CLEC16A: variants seen among roughly 807,000 people sequenced by gnomAD.
CLEC16A encodes C-type lectin domain containing 16A, also known as protein CLEC16A.
CLEC16A carries 51 observed loss-of-function variants against 109.5 expected under a neutral mutation model. The ratio of observed to expected loss-of-function variants is 0.47; its 90% CI spans 0.37 to 0.59. The LOEUF is 0.59. Among genes scored for constraint, CLEC16A ranks in the 20% least tolerant of loss-of-function variants. The pLI is 0.00. For synonymous variants in CLEC16A, 673 were observed against 564.2 expected (o/e 1.19, Z -2.73); for missense variants, 1,339 against 1,394.0 (o/e 0.96, Z 0.63).
intron 19 of CLEC16A, among the ~76,000 whole-genome samples, chr16:11,098,218 C>T (rs150603971): frequency 6.6e-6 from 1 of 152,298 alleles, no homozygotes; most frequent in African/African-American, 2.4e-5. Flanking sequence ...TTCTCAGTGC[C>T]CACCCCTCAA....
chr16:11,150,627 T>C (rs1003038097), intron 22 of CLEC16A, among the ~76,000 whole-genome samples: 2 of 152,232 alleles, frequency 1.3e-5, no homozygotes, highest in Admixed American at 6.5e-5. Context: ...AAATGCCTCT[T>C]CTAAACTTCA....
Position 11,003,323 on chromosome 16 carries a change from C to A in CLEC16A, c.1303+18C>A, listed in dbSNP as rs201986430. The A allele has an allele frequency of 1.9e-6, 3 of 1,600,748 alleles. No homozygotes were observed. The highest frequency in any genetic ancestry group is 2.6e-6 in the Non-Finnish European group (3 of 1,170,872). The stretch of plus-strand genomic sequence containing the variant: ...GAGTGAAGGTGAGTGTCCCCATGAA[C>A]GCCGCCCTGTGCCTGCGCCGCCAGC... On this transcript the variant is annotated intron_variant, in intron 11 of 23. Transcript: ENST00000409790.
intron 11 of CLEC16A, among the ~76,000 whole-genome samples, chr16:11,015,038 G>A (rs1388401063): frequency 6.6e-6 from 1 of 152,210 alleles, no homozygotes; most frequent in African/African-American, 2.4e-5. Context: ...ATAGCACTTT[G>A]CATAGAGCTT....
At chr16:11,106,260 T>G in intron 19 of CLEC16A, among the ~76,000 whole-genome samples, 1 of 152,180 alleles carries the variant, frequency 6.6e-6, no homozygotes, top group Admixed American at 6.5e-5. Flanking sequence ...CATACTTGTC[T>G]ACTTGTCTTA....
At chr16:11,096,129 G>A (rs2050598840) in intron 19 of CLEC16A, among the ~76,000 whole-genome samples, 1 of 151,950 alleles carries the variant, frequency 6.6e-6, no homozygotes, top group South Asian at 2.1e-4. Flanking sequence ...GATCACTTGA[G>A]CCCAGGAGTT....
intron 7 of CLEC16A, among the ~76,000 whole-genome samples, chr16:10,975,832 T>C (rs1388444574): frequency 6.6e-6 from 1 of 152,020 alleles, no homozygotes; most frequent in East Asian, 1.9e-4. Context: ...TTAATATTTT[T>C]AGTAGAGACG....
At chr16:11,040,514 C>CTTTCTTTTTTTTTTTTTTTTTTT (rs1268318578) in intron 14 of CLEC16A, 3 of 101,536 alleles carry the variant, frequency 3.0e-5, no homozygotes, top group Non-Finnish European at 3.7e-5. Flanking sequence ...TTTTTCTTTT[C>CTTTCTTTTTTTTTTTTTTTTTTT]TTTTTTTTTT....
intron 11 of CLEC16A, among the ~76,000 whole-genome samples, chr16:11,016,413 A>G (rs1044190747): frequency 7.3e-5 from 11 of 150,804 alleles, no homozygotes; most frequent in African/African-American, 2.2e-4. Flanking sequence ...CAGTGGCCCA[A>G]TCTTGGCTCA....
intron 11 of CLEC16A, among the ~76,000 whole-genome samples, chr16:11,008,522 C>G (rs1220028361): frequency 2.6e-5 from 4 of 152,124 alleles, no homozygotes; most frequent in Non-Finnish European, 5.9e-5. Context: ...GCTGAGGGCC[C>G]TCAGGACTCT....
At chr16:11,159,012 C>G (rs1567405144) in intron 22 of CLEC16A, among the ~76,000 whole-genome samples, 1 of 151,834 alleles carries the variant, frequency 6.6e-6, no homozygotes, top group Non-Finnish European at 1.5e-5. Flanking sequence ...CTTGGGGTTT[C>G]CCACTTCTTA....
intron 16 of CLEC16A, among the ~76,000 whole-genome samples, chr16:11,045,521 A>T (rs556097239): frequency 3.3e-5 from 5 of 152,076 alleles, no homozygotes; most frequent in Non-Finnish European, 7.4e-5. Flanking sequence ...CTTGGGAATT[A>T]GGATTTCAAC....
chr16:11,008,073 C>G (rs936235470), intron 11 of CLEC16A, among the ~76,000 whole-genome samples: 2 of 152,208 alleles, frequency 1.3e-5, no homozygotes, highest in Admixed American at 6.5e-5. Context: ...ACTTAGCGCA[C>G]ACACTCTCGG....
At chr16:11,090,127 G>A (rs998912213) in intron 19 of CLEC16A, among the ~76,000 whole-genome samples, 2 of 152,048 alleles carry the variant, frequency 1.3e-5, no homozygotes, top group Non-Finnish European at 2.9e-5. Flanking sequence ...AGAATCATGC[G>A]TCCCCTGCAT....
intron 13 of CLEC16A, among the ~76,000 whole-genome samples, chr16:11,038,134 G>A (rs1159084157): frequency 6.6e-6 from 1 of 152,078 alleles, no homozygotes; most frequent in African/African-American, 2.4e-5. Context: ...CTCTTTCTGG[G>A]AGCTGGAAGG....
chr16:11,170,453 A>G (rs2068460608), intron 23 of CLEC16A, among the ~76,000 whole-genome samples: 1 of 152,086 alleles, frequency 6.6e-6, no homozygotes, highest in South Asian at 2.1e-4. Context: ...GGGACCTTAG[A>G]TTTCCTGCCT....
intron 18 of CLEC16A, among the ~76,000 whole-genome samples, chr16:11,053,072 A>G (rs372435154): frequency 4.9e-4 from 74 of 152,042 alleles, no homozygotes; most frequent in African/African-American, 1.7e-3. Context: ...TAGATGTTTT[A>G]TAGAGATGAA....
chr16:11,111,640 C>T (rs571225970), intron 19 of CLEC16A, among the ~76,000 whole-genome samples: 1 of 152,282 alleles, frequency 6.6e-6, no homozygotes, highest in South Asian at 2.1e-4. Flanking sequence ...TTCAGTGCCC[C>T]TCTAGTCTGT....
intron 5 of CLEC16A, among the ~76,000 whole-genome samples, chr16:10,971,747 G>T (rs1737211964): frequency 6.6e-6 from 1 of 152,146 alleles, no homozygotes; most frequent in Non-Finnish European, 1.5e-5. Context: ...TTGCCCCAGG[G>T]AAAAAGCCAT....
chr16:11,178,618 G>A lies in CLEC16A; in HGVS notation c.3090G>A (p.Pro1030=), dbSNP rs773221432. The A allele has an allele frequency of 9.4e-6, 15 of 1,600,714 alleles. No individual in the cohort carries two copies. The highest frequency in any genetic ancestry group is 4.5e-5 in the East Asian group (2 of 44,660). ...CCGGCATGCCCCCGCTGTCCACGCC[G>A]GCTGCCGCCTGCACAGAGCCCGTGG... ...SLTGMPPLST[P]AAACTEPVGE... Residue 1030 remains proline (P), a synonymous_variant, in exon 24 of 24, where the codon CCG becomes CCA. Transcript: ENST00000409790. This position sits in a 1 kb window ranked among gnomAD's most constrained non-coding sequence, Gnocchi z 6.5.
Sources: gnomAD v4.1 joint callset for allele counts (sites outside exome capture counted in the v4.1 genomes callset) on GRCh38, gnomAD v4.1.1 for gene constraint, Gnocchi (gnomAD v3.1) non-coding constraint, MANE v1.5 for transcripts, NCBI Gene and HGNC (gene_info 2026-07-23, HGNC 2026-07-21) for gene names.